The following IL7 variants were observed in gnomAD, a reference collection of about 807,000 sequenced individuals.
IL7 encodes interleukin-7.
IL7 carries 3 observed loss-of-function variants against 21.6 expected under a neutral mutation model. The ratio of observed to expected loss-of-function variants is 0.14; its 90% CI spans 0.06 to 0.36. The LOEUF (loss-of-function observed/expected upper bound fraction) is 0.36, where lower values mean the gene tolerates loss of function less well. Among genes scored for constraint, IL7 ranks in the 10% least tolerant of loss-of-function variants. IL7 has a pLI of 1.00. For missense variants in IL7, 175 were observed against 200.2 expected (o/e 0.87, Z 0.76); for synonymous variants, 62 against 68.1 (o/e 0.91, Z 0.44).
At chr8:78,750,653 C>T (rs574483968) in intron 2 of IL7, among the ~76,000 whole-genome samples, 194 of 152,242 alleles carry the variant, frequency 1.3e-3, no homozygotes, top group African/African-American at 4.5e-3. Flanking sequence ...GAAACCCCGT[C>T]TCTACTAAAA....
intron 5 of IL7, among the ~76,000 whole-genome samples, chr8:78,735,279 T>TTC (rs1554536753): frequency 7.7e-6 from 1 of 129,656 alleles, no homozygotes; most frequent in South Asian, 2.3e-4. Flanking sequence ...TTCTTTTCTT[T>TTC]TTTTTTTTTT....
At chr8:78,693,909 G>A (rs896188575) in intron 3 of IL7, among the ~76,000 whole-genome samples, 4 of 152,046 alleles carry the variant, frequency 2.6e-5, no homozygotes, top group Admixed American at 2.0e-4. Flanking sequence ...TAATTTTTGT[G>A]TAAGGTATAA....
At chr8:78,708,341 A>G (rs1810844291) in intron 3 of IL7, among the ~76,000 whole-genome samples, 1 of 152,080 alleles carries the variant, frequency 6.6e-6, no homozygotes, top group African/African-American at 2.4e-5. Context: ...TTATTTTTAC[A>G]CTCAGAAAAA....
At chr8:78,740,809 T>C (rs553701415) in intron 2 of IL7, among the ~76,000 whole-genome samples, 1 of 152,320 alleles carries the variant, frequency 6.6e-6, no homozygotes, top group East Asian at 1.9e-4. Context: ...TGAGACAGTG[T>C]AATTATATGT....
chr8:78,698,924 G>T (rs942512500), intron 3 of IL7, among the ~76,000 whole-genome samples: 1 of 152,100 alleles, frequency 6.6e-6, no homozygotes, highest in Non-Finnish European at 1.5e-5. Context: ...TTTGCTCAAA[G>T]CCACATAGCT....
chr8:78,703,797 A>T (rs1036493037), intron 3 of IL7, among the ~76,000 whole-genome samples: 1 of 152,018 alleles, frequency 6.6e-6, no homozygotes, highest in African/African-American at 2.4e-5. Context: ...ACTAGTATTG[A>T]TGTGTGTGGA....
chr8:78,722,079 C>T (rs1233178665), intron 3 of IL7, among the ~76,000 whole-genome samples: 1 of 151,796 alleles, frequency 6.6e-6, no homozygotes, highest in Non-Finnish European at 1.5e-5. Context: ...CTTATTTCTA[C>T]CAAAGGATAT....
chr8:78,766,250 A>C (rs1206557166), intron 2 of IL7, among the ~76,000 whole-genome samples: 1 of 152,124 alleles, frequency 6.6e-6, no homozygotes, highest in African/African-American at 2.4e-5. Flanking sequence ...TCTGTAATAT[A>C]ATTTGGATTG....
chr8:78,705,641 G>T (rs1810748802), intron 3 of IL7, among the ~76,000 whole-genome samples: 1 of 152,044 alleles, frequency 6.6e-6, no homozygotes, highest in South Asian at 2.1e-4. Flanking sequence ...CCACCTCTGG[G>T]TCGGCATGGG....
At chr8:78,729,079 A>G (rs1044813216), downstream of IL7, among the ~76,000 whole-genome samples, 4 of 152,010 alleles carry the variant, frequency 2.6e-5, no homozygotes, top group Admixed American at 6.6e-5. Flanking sequence ...AATTAAATTT[A>G]TTAAATGTGT....
intron 1 of IL7, among the ~76,000 whole-genome samples, chr8:78,800,281 T>C (rs2130849677): frequency 6.6e-6 from 1 of 152,278 alleles, no homozygotes; most frequent in Non-Finnish European, 1.5e-5. Flanking sequence ...ATGGTATACA[T>C]ATACCACATT....
intron 2 of IL7, among the ~76,000 whole-genome samples, chr8:78,757,233 A>G (rs1812377759): frequency 6.6e-6 from 1 of 151,764 alleles, no homozygotes; most frequent in South Asian, 2.1e-4. Context: ...GTTTTATTCC[A>G]TTGTACTCTG....
chr8:78,708,199 T>C (rs1206815189), intron 3 of IL7, among the ~76,000 whole-genome samples: 1 of 152,218 alleles, frequency 6.6e-6, no homozygotes, highest in Non-Finnish European at 1.5e-5. Context: ...AATTGAGCAT[T>C]CGCTGAGATT....
chr8:78,702,353 C>T (rs987168048), intron 3 of IL7, among the ~76,000 whole-genome samples: 1 of 151,896 alleles, frequency 6.6e-6, no homozygotes, highest in Non-Finnish European at 1.5e-5. Flanking sequence ...TTTGAATATT[C>T]TCTATTTTCT....
At position 78,732,824 on chromosome 8, in the gene IL7, C is replaced by A. The variant is rs777329086; in HGVS notation, c.*889G>T. 1.3e-5 allele frequency: 2 copies of A among 151,946 alleles called. No individual in the cohort carries two copies. The highest frequency in any genetic ancestry group is 4.8e-5 in the African/African-American group (2 of 41,376). 9.4% of individuals were successfully genotyped at this position (151,946 alleles called of 1,614,324 possible). A position where few individuals can be genotyped will look rare whatever the true frequency, so the allele number is the denominator to read the frequency against. Reference sequence around the variant, plus strand: ...AAGGAGAAATGTATTCCAAAGTAAGCAATTTGTAATGCTGTATGAAAATAT... The same window carrying A: ...AAGGAGAAATGTATTCCAAAGTAAGAAATTTGTAATGCTGTATGAAAATAT... On this transcript the variant is annotated 3_prime_UTR_variant, in exon 6 of 6. Transcript: ENST00000263851.
chr8:78,760,854 T>C, intron 2 of IL7: 1 of 1,558,614 alleles, frequency 6.4e-7, no homozygotes, highest in East Asian at 2.3e-5. Flanking sequence ...ATATTTTCCA[T>C]CACTTCGTTG....
At chr8:78,709,515 G>A (rs1199788555) in intron 3 of IL7, among the ~76,000 whole-genome samples, 2 of 152,050 alleles carry the variant, frequency 1.3e-5, no homozygotes, top group Non-Finnish European at 2.9e-5. Context: ...TTTTGGATAG[G>A]GAGCTAACTT....
intron 3 of IL7, among the ~76,000 whole-genome samples, chr8:78,721,901 A>C (rs1400230979): frequency 1.3e-5 from 2 of 151,998 alleles, no homozygotes; most frequent in Non-Finnish European, 2.9e-5. Context: ...TATAGTGATA[A>C]AATTGAAGAA....
At chr8:78,690,926 A>G (rs1253147025) in intron 3 of IL7, among the ~76,000 whole-genome samples, 1 of 152,026 alleles carries the variant, frequency 6.6e-6, no homozygotes. Context: ...TTGTATATTA[A>G]TCTTATACCC....
Sources: gnomAD v4.1 joint callset for allele counts (sites outside exome capture counted in the v4.1 genomes callset) on GRCh38, gnomAD v4.1.1 for gene constraint, MANE v1.5 for transcripts, NCBI Gene and HGNC (gene_info 2026-07-23, HGNC 2026-07-21) for gene names.